The following SLC30A8 variants were observed in gnomAD, a reference collection of about 807,000 sequenced individuals.
SLC30A8 encodes the protein solute carrier family 30 member 8, also known as proton-coupled zinc antiporter SLC30A8.
Under a neutral mutation model 36.9 loss-of-function variants are expected in SLC30A8, and 27 were observed. The observed-to-expected ratio is 0.73, with a 90% CI of 0.54 to 1.01. SLC30A8 has a LOEUF of 1.01. Among genes scored for constraint, SLC30A8 ranks in the 50% least tolerant of loss-of-function variants. The probability of loss-of-function intolerance (pLI) is 0.00; values close to 1 mark genes in which losing one functional copy is unlikely to be tolerated. For missense variants in SLC30A8, 439 were observed against 452.0 expected, an observed-to-expected ratio of 0.97 and a Z score of 0.26; for synonymous variants, 164 against 172.4, an observed-to-expected ratio of 0.95 and a Z score of 0.38.
chr8:116,987,482 T>C (rs1815487647), intron 1 of SLC30A8, among the ~76,000 whole-genome samples: 1 of 152,034 alleles, frequency 6.6e-6, no homozygotes, highest in Non-Finnish European at 1.5e-5. Flanking sequence ...AAATATTGTC[T>C]AGGCTAGGCT....
Position 117,161,840 on chromosome 8 carries a change from ATT to A in SLC30A8, c.677_678del (p.Phe226SerfsTer8). 6.2e-7 allele frequency: 1 copy of A among 1,613,968 alleles called. No homozygotes were observed. Among genetic ancestry groups the A allele is most frequent in the African/African-American group, 1.3e-5 (1 of 75,036 alleles). ...CTTTTGTGCATGCCCTTGGAGATCT[ATT>A]TCAGAGTATCAGTGTGCTAATTAGT... ...AAFVHALGDL[F>X]QSISVLISAL... On this transcript the variant is annotated frameshift_variant, in exon 5 of 8. Transcript: ENST00000456015. LOFTEE classifies it high-confidence loss of function.
intron 1 of SLC30A8, among the ~76,000 whole-genome samples, chr8:116,953,749 C>T (rs1356114494): frequency 1.3e-5 from 2 of 152,054 alleles, no homozygotes; most frequent in African/African-American, 2.4e-5. Context: ...TTCTTCATCT[C>T]GTTTTCTGTT....
At chr8:116,988,453 T>C (rs186990244) in intron 1 of SLC30A8, among the ~76,000 whole-genome samples, 112 of 152,306 alleles carry the variant, frequency 7.4e-4, no homozygotes, top group South Asian at 4.4e-3. Flanking sequence ...GTCTCTTGCT[T>C]TATGGGCTTC....
rs534425541 is a variant in SLC30A8, at chr8:116,987,406, C to T, written c.-266+36287C>T. Among the ~76,000 whole-genome samples the T allele has an allele frequency of 2.1e-4, 32 of 149,328 alleles. 1 individual carries two copies. The South Asian group carries it at 5.8e-3, about 27-fold the overall frequency. On this transcript the variant is annotated intron_variant, in intron 1 of 10. Coordinates refer to the SLC30A8 transcript ENST00000427715. ...TGTATACATATGTAACAGACCTGCA[C>T]GTTGTGCACATGTACCCTAAAAGTA...
chr8:117,018,675 C>CCT (rs761796400), intron 1 of SLC30A8, among the ~76,000 whole-genome samples: 2,285 of 105,224 alleles, frequency 0.022, 66 homozygotes, highest in East Asian at 0.095. Context: ...CCCCCCCCCC[C>CCT]TTTTTTTTTT....
chr8:117,083,619 GA>G (rs1464855777), intron 2 of SLC30A8, among the ~76,000 whole-genome samples: 1 of 152,088 alleles, frequency 6.6e-6, no homozygotes, highest in Admixed American at 6.6e-5. Flanking sequence ...TTTTTGCACA[GA>G]AATCTTTATC....
At chr8:116,955,638 G>A (rs1331216002) in intron 1 of SLC30A8, among the ~76,000 whole-genome samples, 3 of 151,644 alleles carry the variant, frequency 2.0e-5, no homozygotes, top group Non-Finnish European at 4.4e-5. Flanking sequence ...GCTGAAGCAC[G>A]AGAATCGCTT....
chr8:117,106,992 C>T (rs578089754), intron 2 of SLC30A8, among the ~76,000 whole-genome samples: 1 of 152,204 alleles, frequency 6.6e-6, no homozygotes, highest in South Asian at 2.1e-4. Context: ...GTCACTTGGC[C>T]CACATGATGC....
intron 1 of SLC30A8, among the ~76,000 whole-genome samples, chr8:116,990,970 G>A (rs1033781765): frequency 2.0e-5 from 3 of 152,144 alleles, no homozygotes; most frequent in African/African-American, 7.2e-5. Context: ...GAAAGAATTA[G>A]TATTTTGTTC....
chr8:116,970,576 A>G (rs991461760), intron 1 of SLC30A8, among the ~76,000 whole-genome samples: 1 of 152,192 alleles, frequency 6.6e-6, no homozygotes, highest in Non-Finnish European at 1.5e-5. Flanking sequence ...AATGTGTTGG[A>G]CTATAACTTT....
At chr8:117,004,655 G>C (rs1816116044) in intron 1 of SLC30A8, among the ~76,000 whole-genome samples, 1 of 152,130 alleles carries the variant, frequency 6.6e-6, no homozygotes, top group African/African-American at 2.4e-5. Flanking sequence ...GATTAGATTG[G>C]AACGTTATCT....
intron 2 of SLC30A8, among the ~76,000 whole-genome samples, chr8:117,116,207 C>A (rs1820437569): frequency 6.6e-6 from 1 of 151,966 alleles, no homozygotes; most frequent in African/African-American, 2.4e-5. Context: ...GCAGTGATGG[C>A]AAGGCGTTTG....
intron 1 of SLC30A8, among the ~76,000 whole-genome samples, chr8:117,033,020 C>T (rs1051364893): frequency 3.3e-5 from 5 of 152,050 alleles, no homozygotes; most frequent in Non-Finnish European, 7.3e-5. Context: ...TTGGCAGCCA[C>T]GTGAAGGAAG....
chr8:117,019,391 ACTTTC>A (rs143590367), intron 1 of SLC30A8, among the ~76,000 whole-genome samples: 5,918 of 152,332 alleles, frequency 0.039, 146 homozygotes, highest in South Asian at 0.075. Context: ...AATTTTGAGC[ACTTTC>A]CTTATCATTT....
At position 117,172,866 on chromosome 8, in the gene SLC30A8, T is replaced by C. The variant is rs1005700683; in HGVS notation, c.*185T>C. On this transcript the variant is annotated 3_prime_UTR_variant, in exon 8 of 8. Coordinates refer to ENST00000456015, the MANE Select transcript of SLC30A8 (RefSeq NM_173851.3). ...AGAGGCACTGAGATCCATCAATCAA[T>C]TGGATTATATACTGATCAGTAGCTG... The C allele has an allele frequency of 4.3e-5, 28 of 656,100 alleles. No individual in the cohort carries two copies. Among genetic ancestry groups the C allele is most frequent in the Middle Eastern group, 3.3e-4 (1 of 3,006 alleles). 40.6% of individuals were successfully genotyped at this position (656,100 alleles called of 1,614,324 possible). A position where few individuals can be genotyped will look rare whatever the true frequency, so the allele number is the denominator to read the frequency against.
intron 1 of SLC30A8, among the ~76,000 whole-genome samples, chr8:116,997,418 A>G (rs1379605908): frequency 6.6e-6 from 1 of 152,186 alleles, no homozygotes; most frequent in Admixed American, 6.5e-5. Context: ...TGTTAGATGT[A>G]TAGAATATTC....
At chr8:116,973,625 A>G (rs1401422233) in intron 1 of SLC30A8, among the ~76,000 whole-genome samples, 1 of 152,212 alleles carries the variant, frequency 6.6e-6, no homozygotes, top group Non-Finnish European at 1.5e-5. Flanking sequence ...AAGGTGATTT[A>G]TAGATTCAGT....
chr8:117,068,492 G>GT (rs1184701784), intron 2 of SLC30A8, among the ~76,000 whole-genome samples: 1 of 152,160 alleles, frequency 6.6e-6, no homozygotes, highest in African/African-American at 2.4e-5. Flanking sequence ...ATTTTTGCAC[G>GT]TAATTATCAT....
In SLC30A8 at chr8:116,983,830, A is replaced by T. The variant is rs989035690; in HGVS notation, c.-266+32711A>T. ...AAATTGACATTGGTACAACTCACAGATCTTACTCCAATTTTACATGCGCTC... is the reference window on the plus strand; with the variant it reads ...AAATTGACATTGGTACAACTCACAGTTCTTACTCCAATTTTACATGCGCTC... On this transcript the variant is annotated intron_variant, in intron 1 of 10. Coordinates refer to the SLC30A8 transcript ENST00000427715. Among the ~76,000 whole-genome samples, 45 of 152,132 alleles carry T rather than the reference A, an allele frequency of 3.0e-4. 1 individual carries two copies. Among genetic ancestry groups the T allele is most frequent in the African/African-American group, 1.0e-3 (42 of 41,420 alleles).
Sources: allele counts gnomAD v4.1 joint callset (sites outside exome capture counted in the v4.1 genomes callset), GRCh38; gene constraint gnomAD v4.1.1; transcripts MANE v1.5; gene names NCBI Gene and HGNC (gene_info 2026-07-23, HGNC 2026-07-21).